CEP85L: variants seen among roughly 807,000 people sequenced by gnomAD.
The protein encoded by CEP85L is centrosomal protein of 85 kDa-like.
A neutral mutation model predicts 100.3 loss-of-function variants in CEP85L; 60 were observed. The ratio of observed to expected loss-of-function variants is 0.60; its 90% confidence interval spans 0.49 to 0.74. CEP85L has a LOEUF of 0.74. CEP85L is among the 30% of genes least tolerant of loss of function. The pLI, the probability that CEP85L is intolerant of heterozygous loss-of-function variation, is 0.00. For missense variants in CEP85L, 973 were observed against 936.2 expected, an observed-to-expected ratio of 1.04 and a Z score of -0.51; for synonymous variants, 319 against 322.7, an observed-to-expected ratio of 0.99 and a Z score of 0.12.
At chr6:118,593,327 T>C (rs1781289947) in intron 2 of CEP85L, among the ~76,000 whole-genome samples, 1 of 151,296 alleles carries the variant, frequency 6.6e-6, no homozygotes, top group South Asian at 2.1e-4. Context: ...TATAAGTCCA[T>C]TACTGTACTG....
chr6:118,639,562 C>T (rs1774730866), intron 1 of CEP85L, among the ~76,000 whole-genome samples: 1 of 152,188 alleles, frequency 6.6e-6, no homozygotes, highest in South Asian at 2.1e-4. Context: ...GTTCTGTCTT[C>T]CCTGATTCCT....
intron 4 of CEP85L, among the ~76,000 whole-genome samples, chr6:118,519,244 A>G (rs1487887783): frequency 6.6e-6 from 1 of 152,054 alleles, no homozygotes; most frequent in East Asian, 1.9e-4. Context: ...TCACGAGGTC[A>G]GAAGTTCGAG....
intron 6 of CEP85L, among the ~76,000 whole-genome samples, chr6:118,485,234 G>T (rs910604728): frequency 6.6e-6 from 1 of 151,806 alleles, no homozygotes; most frequent in African/African-American, 2.4e-5. Context: ...AAACTTACAG[G>T]GTTCTAAAAT....
intron 2 of CEP85L, among the ~76,000 whole-genome samples, chr6:118,586,350 C>T (rs1033020222): frequency 2.0e-5 from 3 of 152,182 alleles, no homozygotes; most frequent in Non-Finnish European, 4.4e-5. Flanking sequence ...GCTAGTTAAG[C>T]ATGTAACCTC....
intron 1 of CEP85L, among the ~76,000 whole-genome samples, chr6:118,690,430 G>A (rs1562361156): frequency 6.6e-6 from 1 of 152,082 alleles, no homozygotes; most frequent in Non-Finnish European, 1.5e-5. Context: ...TCTGCTCCCT[G>A]GCCGGACTCT....
chr6:118,510,891 G>T (rs1425531631), intron 5 of CEP85L, among the ~76,000 whole-genome samples: 1 of 152,056 alleles, frequency 6.6e-6, no homozygotes, highest in Non-Finnish European at 1.5e-5. Flanking sequence ...AAAAGCAAGG[G>T]AAAGGGGTGT....
chr6:118,589,444 A>C, intron 2 of CEP85L: 1 of 263,900 alleles, frequency 3.8e-6, no homozygotes, highest in Non-Finnish European at 8.1e-6. Flanking sequence ...ATTTGAAGGG[A>C]GTGCCAGAAA....
intron 1 of CEP85L, among the ~76,000 whole-genome samples, chr6:118,681,866 G>A (rs112139466): frequency 0.02 from 3,013 of 150,778 alleles, 125 homozygotes; most frequent in African/African-American, 0.07. Flanking sequence ...TCAGCCTCCC[G>A]AGTAGCTGGA....
intron 10 of CEP85L, among the ~76,000 whole-genome samples, chr6:118,479,208 AAGAC>A (rs1163184669): frequency 6.6e-6 from 1 of 152,182 alleles, no homozygotes; most frequent in Non-Finnish European, 1.5e-5. Context: ...ATACAACCAA[AAGAC>A]AAAGAAAGAA....
Position 118,469,060 on chromosome 6 carries a change from T to A in CEP85L, c.2254+12A>T, listed in dbSNP as rs141587519. The A allele has an allele frequency of 8.9e-6, 14 of 1,579,230 alleles. No individual in the cohort carries two copies. Among genetic ancestry groups the A allele is most frequent in the Non-Finnish European group, 1.2e-5 (14 of 1,148,992 alleles). ...ATTGCCACAAAATAAGGACAAGTCA[T>A]CAGACACTTACATCTTATTCCCAGT... On this transcript the variant is annotated intron_variant, in intron 12 of 12. Coordinates refer to ENST00000368491, the MANE Select transcript of CEP85L (RefSeq NM_001042475.3).
intron 1 of CEP85L, among the ~76,000 whole-genome samples, chr6:118,679,763 A>T (rs1416791351): frequency 6.6e-6 from 1 of 152,204 alleles, no homozygotes; most frequent in Non-Finnish European, 1.5e-5. Flanking sequence ...TGGGCCTGAC[A>T]TGGCCTGCAA....
At chr6:118,639,548 A>C (rs1774729943) in intron 1 of CEP85L, among the ~76,000 whole-genome samples, 1 of 152,190 alleles carries the variant, frequency 6.6e-6, no homozygotes, top group African/African-American at 2.4e-5. Flanking sequence ...TTCAGAATTA[A>C]CTTGTTCTGT....
chr6:118,655,930 G>T (rs1227023532), upstream of CEP85L, among the ~76,000 whole-genome samples: 1 of 152,328 alleles, frequency 6.6e-6, no homozygotes, highest in East Asian at 1.9e-4. Context: ...AGGAAGTAAA[G>T]AGCTAGAATT....
chr6:118,667,577 A>G (rs1371943895), intron 1 of CEP85L, among the ~76,000 whole-genome samples: 1 of 152,208 alleles, frequency 6.6e-6, no homozygotes, highest in South Asian at 2.1e-4. Flanking sequence ...TCTGATTTAT[A>G]TATTGGAGTT....
chr6:118,664,442 G>A (rs1776071073), intron 1 of CEP85L: 1 of 152,508 alleles, frequency 6.6e-6, no homozygotes, highest in South Asian at 2.1e-4. Context: ...GGGGAGATCT[G>A]TCAGGCTGGG....
upstream of CEP85L, chr6:118,652,804 T>C (rs923344254): frequency 5.6e-6 from 7 of 1,248,344 alleles, no homozygotes; most frequent in African/African-American, 1.1e-4. Context: ...AAGGGTCAGC[T>C]GTTTCTGATG....
At chr6:118,651,628 G>A (rs1174317416), upstream of CEP85L, 6 of 1,038,094 alleles carry the variant, frequency 5.8e-6, no homozygotes, top group East Asian at 7.5e-5. Context: ...GCCGGGGCTG[G>A]GGCCGCGAGG....
intron 2 of CEP85L, among the ~76,000 whole-genome samples, chr6:118,621,971 C>G (rs1773472633): frequency 6.6e-6 from 1 of 152,136 alleles, no homozygotes; most frequent in African/African-American, 2.4e-5. Context: ...AGTACATGCT[C>G]CAGCCCTAAG....
intron 2 of CEP85L, among the ~76,000 whole-genome samples, chr6:118,628,126 G>A (rs1008222205): frequency 1.3e-5 from 2 of 151,770 alleles, no homozygotes; most frequent in South Asian, 2.1e-4. Flanking sequence ...AGTATATCAC[G>A]ATCAGCTTTC....
Sources: gnomAD v4.1 joint callset for allele counts (sites outside exome capture counted in the v4.1 genomes callset) on GRCh38, gnomAD v4.1.1 for gene constraint, MANE v1.5 for transcripts, NCBI Gene and HGNC (gene_info 2026-07-23, HGNC 2026-07-21) for gene names.